The following THBS3 variants were observed in gnomAD, a reference collection of about 807,000 sequenced individuals.
THBS3 encodes thrombospondin-3.
In THBS3, 78 loss-of-function variants were observed where a neutral mutation model predicts 118.3. The observed-to-expected ratio is 0.66, with a 90% confidence interval of 0.55 to 0.80. The LOEUF (loss-of-function observed/expected upper bound fraction) is 0.80. THBS3 is among the 30% of genes least tolerant of loss of function. The pLI is 0.00. For synonymous variants in THBS3, 427 were observed against 475.3 expected (o/e 0.90, Z 1.32); for missense variants, 1,057 against 1,247.4 (o/e 0.85, Z 2.30).
At position 155,204,871 on chromosome 1, in the gene THBS3, C is replaced by G; in HGVS notation, c.630G>C (p.Glu210Asp). The G allele has an allele frequency of 6.2e-7, 1 of 1,613,958 alleles. No homozygotes were observed. Among genetic ancestry groups the G allele is most frequent in the Non-Finnish European group, 8.5e-7 (1 of 1,180,014 alleles). Reference protein sequence around the residue: ...ALSECPFQGDESIHSAVTNAL... With the variant: ...ALSECPFQGDDSIHSAVTNAL... ...CTGTGTTACCTGCACTGTGGATGGA[C>G]TCGTCCCCTTGGAATGGACACTCAC... Residue 210 changes from glutamate (E) to aspartate (D), a missense_variant, in exon 4 of 23, where the codon GAG becomes GAC. By Grantham distance (45) the Glu-to-Asp change is conservative. This residue lies in a region of THBS3 where 544 missense variants were observed against 715.6 expected (regional missense o/e 0.76). Transcript: ENST00000368378.
At position 155,203,024 on chromosome 1, in the gene THBS3, C is replaced by A. The variant is rs1670015932; in HGVS notation, c.808+62G>T. 10 of 1,613,858 alleles carry A rather than the reference C, an allele frequency of 6.2e-6. No individual in the cohort carries two copies. In the South Asian group the frequency reaches 1.1e-4, roughly 18 times the overall value. ...TATTTAAGCCACCAGAAGGGAAAGC[C>A]AAAGCCATTGGGTGGGGAACGTGGC... On this transcript the variant is annotated intron_variant, in intron 7 of 22. Transcript: ENST00000368378.
chr1:155,198,278 A>G, intron 17 of THBS3, 58 bp from the exon 18 acceptor site: 2 of 1,602,242 alleles, frequency 1.2e-6, no homozygotes, highest in Non-Finnish European at 1.7e-6. Flanking sequence ...TTAGGCAACA[A>G]TACCATCTGT....
chr1:155,208,965 G>T (rs763664713), upstream of THBS3: 1 of 1,607,936 alleles, frequency 6.2e-7, no homozygotes, highest in African/African-American at 1.3e-5. Context: ...GGGGTTCGGG[G>T]CTCCACTTGG....
At chr1:155,198,019 C>T in intron 18 of THBS3, 23 bp downstream of exon 18, 3 of 1,614,144 alleles carry the variant, frequency 1.9e-6, no homozygotes, top group Non-Finnish European at 2.5e-6. Context: ...ATAGCACCTG[C>T]CCAGCCCACT....
In THBS3 at chr1:155,196,100, A is replaced by T. The variant is rs1668621187; in HGVS notation, c.2699T>A (p.Leu900His). The T allele has an allele frequency of 1.2e-6, 2 of 1,614,048 alleles. No individual in the cohort carries two copies. Among genetic ancestry groups the T allele is most frequent in the African/African-American group, 1.3e-5 (1 of 74,930 alleles). Residue 900 changes from leucine to histidine, a missense_variant, in exon 22 of 23, where the codon CTT (leucine) becomes CAT (histidine). Transcript: ENST00000368378. ...AATGATCACCCCAGAATCCGCCACA[A>T]GCTGGGGTCCCTCATAGAGCTTCAC... is the stretch of plus-strand genomic sequence containing the variant. The part of the protein sequence containing the change: ...IRVKLYEGPQ[L>H]VADSGVIIDT...
intron 16 of THBS3, among the ~76,000 whole-genome samples, 173 bp downstream of exon 16, chr1:155,199,631 G>A (rs1034842440): frequency 6.6e-6 from 1 of 151,654 alleles, no homozygotes; most frequent in East Asian, 1.9e-4. Context: ...GCACATGCCT[G>A]TAATCCTAGC....
At position 155,202,323 on chromosome 1, in the gene THBS3, G is replaced by C. The variant is rs775977971; in HGVS notation, c.1036C>G (p.Arg346Gly). Residue 346 changes from arginine (R) to glycine (G), a missense_variant, in exon 9 of 23, where the codon CGA becomes GGA. Arg to Gly is a moderately radical substitution (Grantham distance 125, BLOSUM62 -2). Coordinates refer to ENST00000368378, the MANE Select transcript of THBS3 (RefSeq NM_007112.5). This position sits in a 1 kb window ranked among gnomAD's most constrained non-coding sequence, Gnocchi z 5.5. ...GACACCTGTGTGCCCTTGTACCCTC[G>C]AGGACAGGCCTCACAGTGGAAGCCG... ...MPGFHCEACP[R>G]GYKGTQVSGV... 18 of 1,614,062 alleles carry C rather than the reference G, an allele frequency of 1.1e-5. No individual in the cohort carries two copies. Among genetic ancestry groups the C allele is most frequent in the Non-Finnish European group, 1.5e-5 (18 of 1,180,020 alleles).
At chr1:155,196,692 C>G (rs1668729094) in intron 21 of THBS3, among the ~76,000 whole-genome samples, 1 of 152,220 alleles carries the variant, frequency 6.6e-6, no homozygotes, top group Non-Finnish European at 1.5e-5. Context: ...AATGATGATG[C>G]CTTCCAGGTC....
At position 155,203,238 on chromosome 1, in the gene THBS3, AT is replaced by A; in HGVS notation, c.740del (p.Asp247ValfsTer7). The A allele has an allele frequency of 6.2e-7, 1 of 1,614,144 alleles. No individual in the cohort carries two copies. The highest frequency in any genetic ancestry group is 1.1e-5 in the South Asian group (1 of 91,082). ...LFNQILVELRDDIRDQVKEMS... is the reference protein window; with the variant it reads ...LFNQILVELRXDIRDQVKEMS... ...CCACCCAAACCTGGTCTCGTATATC[AT>A]CCCGCAGCTCCACCAGGATCTGGTT... On this transcript the variant is annotated frameshift_variant, in exon 6 of 23. Transcript: ENST00000368378. LOFTEE classifies it high-confidence loss of function.
upstream of THBS3, chr1:155,208,708 CCCGGCCTCCGCT>C: frequency 3.9e-6 from 5 of 1,283,354 alleles, no homozygotes; most frequent in Non-Finnish European, 5.2e-6. Context: ...CAAGCCCCAG[CCCGGCCTCCGCT>C]CCGGCCGCCG....
intron 2 of THBS3, chr1:155,205,613 A>AAACAGG (rs1670432209): frequency 2.8e-6 from 1 of 350,916 alleles, no homozygotes; most frequent in Non-Finnish European, 5.3e-6. Flanking sequence ...CCCTGTTTCT[A>AAACAGG]CTAAAAATAC....
Position 155,206,216 on chromosome 1 carries a change from T to A in THBS3, c.270A>T (p.Val90=). 6.2e-7 allele frequency: 1 copy of A among 1,614,068 alleles called. No individual in the cohort carries two copies. Among genetic ancestry groups the A allele is most frequent in the African/African-American group, 1.3e-5 (1 of 75,048 alleles). The part of the protein sequence containing the change: ...DNTRWLEASV[V]GKINKVLVRY... Reference sequence around the variant, plus strand: ...ACCAGTCACCTTTGTTGATCTTGCCTACAACAGAGGCCTCCAGCCATCGAG... The same window carrying A: ...ACCAGTCACCTTTGTTGATCTTGCCAACAACAGAGGCCTCCAGCCATCGAG... Residue 90 remains valine (V), a synonymous_variant, in exon 2 of 23, where the codon GTA becomes GTT. Coordinates refer to ENST00000368378, the MANE Select transcript of THBS3 (RefSeq NM_007112.5). This position sits in a 1 kb window ranked among gnomAD's most constrained non-coding sequence, Gnocchi z 4.2.
At chr1:155,200,635 G>C (rs1486637465) in intron 13 of THBS3, 25 bp from the exon 14 acceptor site, 2 of 1,611,390 alleles carry the variant, frequency 1.2e-6, no homozygotes, top group Non-Finnish European at 1.7e-6. Flanking sequence ...GGGAGGGGAA[G>C]GGTCAGGTCT....
In THBS3 at chr1:155,199,812, A is replaced by G. The variant is rs750600739; in HGVS notation, c.1872T>C (p.Asn624=). 6.8e-6 allele frequency: 11 copies of G among 1,614,198 alleles called. No individual in the cohort carries two copies. In the African/African-American group the frequency reaches 8.0e-5, roughly 12 times the overall value. Residue 624 remains asparagine, a synonymous_variant, in exon 16 of 23, where the codon AAT becomes AAC. Coordinates refer to ENST00000368378, the MANE Select transcript of THBS3 (RefSeq NM_007112.5). ...CTTGACCAAGACCTTACCTGTCTTC[A>G]TTAGTATCACAGACATCCCCCACCA... is the stretch of plus-strand genomic sequence containing the variant. ...SDLVGDVCDT[N]EDSDGDGHQD... is the part of the protein sequence containing the mutation.
intron 4 of THBS3, among the ~76,000 whole-genome samples, chr1:155,203,918 A>G (rs1571913830): frequency 6.6e-6 from 1 of 150,824 alleles, no homozygotes; most frequent in Non-Finnish European, 1.5e-5. Context: ...GCTCACCACA[A>G]CCTCCACCTC....
At chr1:155,200,858 G>A in intron 13 of THBS3, 39 bp downstream of exon 13, 1 of 1,614,034 alleles carries the variant, frequency 6.2e-7, no homozygotes. Flanking sequence ...CAGGAGGAGG[G>A]GAGAGGAGCT....
Position 155,203,508 on chromosome 1 carries a change from C to T in THBS3, c.673+5G>A, listed in dbSNP as rs780924834. 3.7e-6 allele frequency: 6 copies of T among 1,613,660 alleles called. No individual in the cohort carries two copies. The highest frequency in any genetic ancestry group is 4.2e-6 in the Non-Finnish European group (5 of 1,179,928). ...CCCGCTTCCGCTTCAGTGTGGCCTA[C>T]TCACCTAGAATGGAGTGCAGTGCAT... is the stretch of plus-strand genomic sequence containing the variant. On this transcript the variant is annotated splice_donor_5th_base_variant and intron_variant, in intron 5 of 22. Coordinates refer to ENST00000368378, the MANE Select transcript of THBS3 (RefSeq NM_007112.5).
In THBS3 at chr1:155,206,672, C is replaced by CA. The variant is rs1670592602; in HGVS notation, c.80-267dup. Among the ~76,000 whole-genome samples, 1 of 151,044 alleles carries CA rather than the reference C, an allele frequency of 6.6e-6. No individual in the cohort carries two copies. The highest frequency in any genetic ancestry group is 1.5e-5 in the Non-Finnish European group (1 of 67,724). On this transcript the variant is annotated intron_variant, in intron 1 of 22. Transcript: ENST00000368378. The surrounding 1 kb of genome is among the most constrained non-coding windows in gnomAD (Gnocchi z 4.2). ...TCTACTAAAAATACAAAAACAACAA[C>CA]AAAAAAGAAAAAAAAACCACCTAGC... is the stretch of plus-strand genomic sequence containing the variant.
rs747919903 is a variant in THBS3, at chr1:155,207,851, G to A, written c.26C>T (p.Ala9Val). The change falls in exon 1 of 23, where the codon GCC becomes GTC. Residue 9 changes from alanine (A) to valine (V), a missense_variant. Ala to Val is a moderately conservative substitution (Grantham distance 64, BLOSUM62 0). Around this residue, in one of 3 missense-constraint regions of THBS3, gnomAD observed 206 missense variants for 205.7 expected, o/e 1.00. Coordinates refer to ENST00000368378, the MANE Select transcript of THBS3 (RefSeq NM_007112.5). METQELRG[A>V]LALLLLCFFT... is the part of the protein sequence containing the mutation. ...AAAGCAAAGGAGGAGAAGAGCCAGG[G>A]CCCCCCGAAGTTCCTGCGTCTCCAT... The A allele has an allele frequency of 1.1e-5, 17 of 1,613,864 alleles. 1 individual carries two copies. The highest frequency in any genetic ancestry group is 4.4e-5 in the South Asian group (4 of 91,090).
Sources: allele counts gnomAD v4.1 joint callset (sites outside exome capture counted in the v4.1 genomes callset), GRCh38; gene constraint gnomAD v4.1.1; regional missense constraint gnomAD v4.1.1; non-coding constraint Gnocchi (gnomAD v3.1); transcripts MANE v1.5; gene names NCBI Gene and HGNC (gene_info 2026-07-23, HGNC 2026-07-21).